Variants in CGNL1 observed in about 807,000 individuals in gnomAD.
CGNL1 encodes the protein cingulin like 1.
A neutral mutation model predicts 141.2 loss-of-function variants in CGNL1; 132 were observed. The observed-to-expected ratio is 0.93, with a 90% CI of 0.81 to 1.08. The LOEUF is 1.08. Among genes scored for constraint, CGNL1 ranks in the 50% least tolerant of loss-of-function variants. The probability of loss-of-function intolerance (pLI) is 0.00; values close to 1 mark genes in which losing one functional copy is unlikely to be tolerated. For missense variants in CGNL1, 1,870 were observed against 1,588.6 expected, an observed-to-expected ratio of 1.18 and a Z score of -3.01; for synonymous variants, 690 against 622.1, an observed-to-expected ratio of 1.11 and a Z score of -1.63.
chr15:57,385,986 C>T (rs1165389257), intron 1 of CGNL1, among the ~76,000 whole-genome samples: 4 of 152,250 alleles, frequency 2.6e-5, no homozygotes, highest in Non-Finnish European at 5.9e-5. Context: ...TCCAAGGGAG[C>T]TATTGGCCAG....
intron 8 of CGNL1, 133 bp downstream of exon 8, chr15:57,462,025 G>C: frequency 2.8e-6 from 2 of 715,426 alleles, no homozygotes; most frequent in Non-Finnish European, 4.8e-6. Context: ...CATGGACACA[G>C]AGCTTATTAA....
At chr15:57,390,832 C>T (rs1180965531) in intron 1 of CGNL1, among the ~76,000 whole-genome samples, 7 of 152,026 alleles carry the variant, frequency 4.6e-5, no homozygotes, top group East Asian at 3.9e-4. Context: ...TGATTTTCTT[C>T]GGGTTAGCCA....
At chr15:57,490,034 C>T (rs1324639357) in intron 8 of CGNL1, among the ~76,000 whole-genome samples, 1 of 152,100 alleles carries the variant, frequency 6.6e-6, no homozygotes, top group Non-Finnish European at 1.5e-5. Context: ...GTAACTTGGT[C>T]ACCTGGAGAG....
chr15:57,439,285 C>T lies in CGNL1; in HGVS notation c.1286C>T (p.Pro429Leu), dbSNP rs776158662. Reference protein sequence around the residue: ...LRPSQVCPQRPLSQERRGKQS... With the variant: ...LRPSQVCPQRLLSQERRGKQS... The stretch of plus-strand genomic sequence containing the variant: ...CCTTCCCAGGTGTGCCCGCAGCGGC[C>T]ACTGTCTCAGGAGCGCCGTGGGAAA... The change falls in exon 2 of 19, where the codon CCA (proline) becomes CTA (leucine). Residue 429 changes from proline (P) to leucine (L), a missense_variant. By Grantham distance (98) the Pro-to-Leu change is moderately conservative. Transcript: ENST00000281282. 9.3e-6 allele frequency: 15 copies of T among 1,613,952 alleles called. No individual in the cohort carries two copies. Among genetic ancestry groups the T allele is most frequent in the Non-Finnish European group, 1.3e-5 (15 of 1,180,056 alleles).
intron 13 of CGNL1, 81 bp from the exon 14 acceptor site, chr15:57,531,609 T>C: frequency 1.1e-6 from 1 of 873,848 alleles, no homozygotes. Context: ...GCCCTTAGGA[T>C]TGTTTCTCTG....
intron 3 of CGNL1, among the ~76,000 whole-genome samples, 161 bp downstream of exon 3, chr15:57,440,632 T>C (rs1437544636): frequency 6.6e-6 from 1 of 152,122 alleles, no homozygotes; most frequent in East Asian, 1.9e-4. Context: ...GCATTTGTCT[T>C]GTGTGGTATG....
At chr15:57,416,156 T>C (rs2062846288) in intron 1 of CGNL1, among the ~76,000 whole-genome samples, 2 of 152,048 alleles carry the variant, frequency 1.3e-5, no homozygotes, top group African/African-American at 2.4e-5. Flanking sequence ...GTCCCTGTGG[T>C]AGCCCCTTGA....
chr15:57,543,627 C>T, intron 14 of CGNL1, 69 bp from the exon 15 acceptor site: 1 of 1,387,270 alleles, frequency 7.2e-7, no homozygotes, highest in Non-Finnish European at 1.0e-6. Flanking sequence ...AGTTCCTTGC[C>T]ACCATTTCAG....
intron 8 of CGNL1, among the ~76,000 whole-genome samples, chr15:57,502,562 G>T (rs1359132565): frequency 2.0e-5 from 3 of 152,186 alleles, no homozygotes; most frequent in African/African-American, 7.2e-5. Context: ...TGGAGAAATG[G>T]AAACTTTGGT....
chr15:57,470,673 G>T (rs1391754449), intron 8 of CGNL1, among the ~76,000 whole-genome samples: 1 of 152,198 alleles, frequency 6.6e-6, no homozygotes, highest in Non-Finnish European at 1.5e-5. Context: ...TGTGTTTTCT[G>T]TGCCAGCGCG....
chr15:57,427,771 C>T (rs2062995075), intron 1 of CGNL1, among the ~76,000 whole-genome samples: 1 of 152,206 alleles, frequency 6.6e-6, no homozygotes, highest in African/African-American at 2.4e-5. Context: ...TCCACACCCC[C>T]CCATGCCTCC....
chr15:57,473,874 A>ACTTCTT lies in CGNL1; in HGVS notation c.2403+12004_2403+12009dup, dbSNP rs1270331869. ...TGAGCCAGAACTGCCTGATTGAGTCACTTCTTCTTCTTCTTCTTCTTCTTC... is the reference window on the plus strand; with the variant it reads ...TGAGCCAGAACTGCCTGATTGAGTCACTTCTTCTTCTTCTTCTTCTTCTTCTTCTTC... On this transcript the variant is annotated intron_variant, in intron 8 of 18. Transcript: ENST00000281282. 2.0e-3 allele frequency among the ~76,000 whole-genome samples: 219 copies of ACTTCTT among 109,762 alleles called. 1 individual carries two copies. The highest frequency in any genetic ancestry group is 3.1e-3 in the African/African-American group (93 of 29,862). 72.0% of individuals were successfully genotyped at this position (109,762 alleles called of 152,430 possible).
intron 1 of CGNL1, among the ~76,000 whole-genome samples, chr15:57,400,080 A>G (rs1376127268): frequency 6.6e-6 from 1 of 151,704 alleles, no homozygotes; most frequent in East Asian, 1.9e-4. Context: ...TGCAGCTTCA[A>G]ACTCCTGGGC....
intron 1 of CGNL1, among the ~76,000 whole-genome samples, chr15:57,423,354 C>T (rs1946692812): frequency 6.6e-6 from 1 of 152,160 alleles, no homozygotes; most frequent in African/African-American, 2.4e-5. Context: ...TAAACACATC[C>T]CTGGAGAGAG....
chr15:57,435,719 T>A (rs1435296854), intron 1 of CGNL1, among the ~76,000 whole-genome samples: 1 of 152,106 alleles, frequency 6.6e-6, no homozygotes, highest in Non-Finnish European at 1.5e-5. Context: ...GGTAGGAAAC[T>A]GAATATATTC....
At chr15:57,456,333 A>T (rs1325822741) in intron 7 of CGNL1, among the ~76,000 whole-genome samples, 1 of 152,146 alleles carries the variant, frequency 6.6e-6, no homozygotes, top group African/African-American at 2.4e-5. Context: ...TGCATAATGG[A>T]CCAGATTTTG....
intron 16 of CGNL1, 69 bp downstream of exon 16, chr15:57,544,666 G>A (rs566266425): frequency 3.9e-6 from 6 of 1,529,904 alleles, no homozygotes; most frequent in East Asian, 4.9e-5. Context: ...GCAATGTGTT[G>A]TCACATTTGG....
At position 57,506,226 on chromosome 15, in the gene CGNL1, G is replaced by A. The variant is rs928542406; in HGVS notation, c.2404-10554G>A. Among the ~76,000 whole-genome samples the A allele has an allele frequency of 3.9e-5, 6 of 152,336 alleles. No homozygotes were observed. In the South Asian group the frequency reaches 8.3e-4, roughly 21 times the overall value. On this transcript the variant is annotated intron_variant, in intron 8 of 18. Coordinates refer to ENST00000281282, the MANE Select transcript of CGNL1 (RefSeq NM_032866.5). ...CAATATTTTCCTAGTGACGCAGAGC[G>A]CTGGAAGCAGGGCATTGTCTGGGTG...
chr15:57,423,756 TCTC>T (rs1397752323), intron 1 of CGNL1, among the ~76,000 whole-genome samples: 8 of 152,208 alleles, frequency 5.3e-5, no homozygotes, highest in African/African-American at 1.9e-4. Context: ...TGTGTCTGCT[TCTC>T]CTCTTTTCCC....
Sources: allele counts gnomAD v4.1 joint callset (sites outside exome capture counted in the v4.1 genomes callset), GRCh38; gene constraint gnomAD v4.1.1; transcripts MANE v1.5; gene names NCBI Gene and HGNC (gene_info 2026-07-23, HGNC 2026-07-21).